Variants in DMBT1 observed in about 807,000 individuals in gnomAD.
DMBT1 encodes the protein deleted in malignant brain tumors 1, also known as scavenger receptor cysteine-rich domain-containing protein DMBT1.
Under a neutral mutation model 252.9 loss-of-function variants are expected in DMBT1, and 198 were observed. The observed-to-expected ratio is 0.78, with a 90% CI of 0.70 to 0.88. The LOEUF (loss-of-function observed/expected upper bound fraction) is 0.88. Among genes scored for constraint, DMBT1 ranks in the 40% least tolerant of loss-of-function variants. DMBT1 has a pLI of 0.00. For missense variants in DMBT1, 2,432 were observed against 2,404.7 expected, an observed-to-expected ratio of 1.01 and a Z score of -0.24; for synonymous variants, 990 against 942.7, an observed-to-expected ratio of 1.05 and a Z score of -0.92.
In DMBT1 at chr10:122,640,199, G is replaced by A. The variant is rs2133700597; in HGVS notation, c.7102G>A (p.Ala2368Thr). ...MYIANDTIHV[A>T]NNTIQVEEVQ... ...CATTGCTAATGACACCATCCACGTT[G>A]CTAATAACACCATCCAGGTCGAGGA... Residue 2368 changes from alanine (A) to threonine (T), a missense_variant, in exon 55 of 56, where the codon GCT becomes ACT. Coordinates refer to ENST00000338354, the MANE Select transcript of DMBT1 (RefSeq NM_001377530.1). The A allele has an allele frequency of 6.2e-7, 1 of 1,614,042 alleles. No individual in the cohort carries two copies. The highest frequency in any genetic ancestry group is 2.2e-5 in the East Asian group (1 of 44,886).
In DMBT1 at chr10:122,591,164, C is replaced by T. The variant is rs369975244; in HGVS notation, c.2138-315C>T. 6.1e-5 allele frequency among the ~76,000 whole-genome samples: 9 copies of T among 148,646 alleles called. 1 individual carries two copies. Among genetic ancestry groups the T allele is most frequent in the Non-Finnish European group, 9.0e-5 (6 of 66,814 alleles). ...ATCCTTCTAACATTTTAGTTTCAAGCGTGAGAGGCTCAGCATTGGTGTCAG... is the reference window on the plus strand; with the variant it reads ...ATCCTTCTAACATTTTAGTTTCAAGTGTGAGAGGCTCAGCATTGGTGTCAG... On this transcript the variant is annotated intron_variant, in intron 18 of 55. Transcript: ENST00000338354.
chr10:122,599,594 G>A (rs555062115), intron 26 of DMBT1, among the ~76,000 whole-genome samples: 1 of 152,334 alleles, frequency 6.6e-6, no homozygotes, highest in African/African-American at 2.4e-5. Flanking sequence ...TGGGTTGTGT[G>A]AGGTTGGAGT....
chr10:122,592,710 T>G (rs1407962436), intron 20 of DMBT1, 115 bp downstream of exon 20: 12 of 1,502,166 alleles, frequency 8.0e-6, no homozygotes, highest in Admixed American at 3.8e-5. Context: ...CCTATATTTA[T>G]GTAGTCTTGT....
chr10:122,623,419 C>T (rs2098089104), intron 44 of DMBT1, among the ~76,000 whole-genome samples: 1 of 152,100 alleles, frequency 6.6e-6, no homozygotes, highest in African/African-American at 2.4e-5. Context: ...GAGATATATA[C>T]CTAGGAGTGG....
At chr10:122,597,518 G>A (rs945829473) in intron 24 of DMBT1, among the ~76,000 whole-genome samples, 3 of 152,192 alleles carry the variant, frequency 2.0e-5, no homozygotes, top group African/African-American at 7.2e-5. Context: ...AGATTCTGCA[G>A]GGCTACATGT....
chr10:122,633,639 C>A (rs1471266157), intron 52 of DMBT1, among the ~76,000 whole-genome samples: 1 of 152,198 alleles, frequency 6.6e-6, no homozygotes, highest in Admixed American at 6.5e-5. Flanking sequence ...AGTCACTCAA[C>A]TTTCCTGAGC....
intron 1 of DMBT1, among the ~76,000 whole-genome samples, chr10:122,563,546 C>T (rs1339597710): frequency 6.6e-6 from 1 of 150,776 alleles, no homozygotes; most frequent in Non-Finnish European, 1.5e-5. Context: ...GAGATTGTGC[C>T]ACTGCACTCC....
rs764961784 is a variant in DMBT1 at position 122,631,268 on chromosome 10, T to A, written c.6333T>A (p.Gly2111=). ...SHNCNHREDA[G]VICSGNHLST... ...ACTGTAATCATCGTGAAGATGCTGG[T>A]GTCATCTGCTCAGGTATGGCCCAAT... Residue 2111 remains glycine (G), a synonymous_variant, in exon 49 of 56, where the codon GGT becomes GGA. Transcript: ENST00000338354. 1 of 1,613,978 alleles carries A rather than the reference T, an allele frequency of 6.2e-7. No individual in the cohort carries two copies. The highest frequency in any genetic ancestry group is 1.1e-5 in the South Asian group (1 of 91,082).
chr10:122,600,940 A>G (rs1322880112), intron 27 of DMBT1, 51 bp from the exon 28 acceptor site: 30 of 697,402 alleles, frequency 4.3e-5, no homozygotes, highest in Middle Eastern at 3.5e-4. Context: ...TTTGTTCTGC[A>G]CCTTTTCCCT....
At chr10:122,578,881 T>G (rs1591253228) in intron 9 of DMBT1, 122 bp downstream of exon 9, 1 of 950,724 alleles carries the variant, frequency 1.1e-6, no homozygotes, top group South Asian at 1.5e-5. Context: ...CGTGGGAGGG[T>G]GGCAGCAGGT....
intron 52 of DMBT1, 140 bp downstream of exon 52, chr10:122,633,481 C>A: frequency 7.0e-7 from 1 of 1,430,214 alleles, no homozygotes; most frequent in South Asian, 1.5e-5. Context: ...CTTAGAAAGC[C>A]AGGAGAGAAG....
At chr10:122,641,796 C>T (rs905524327) in intron 55 of DMBT1, among the ~76,000 whole-genome samples, 1 of 152,166 alleles carries the variant, frequency 6.6e-6, no homozygotes, top group Admixed American at 6.5e-5. Context: ...GGTAGATGTA[C>T]CCTGGCTATA....
At chr10:122,625,388 G>A in intron 45 of DMBT1, 85 bp downstream of exon 45, 1 of 1,309,958 alleles carries the variant, frequency 7.6e-7, no homozygotes, top group South Asian at 1.2e-5. Context: ...GAGTAGGGTA[G>A]ACTCCCCCTG....
chr10:122,571,285 TTCAGTC>T (rs1469353961), intron 4 of DMBT1, among the ~76,000 whole-genome samples: 1 of 152,198 alleles, frequency 6.6e-6, no homozygotes, highest in Admixed American at 6.5e-5. Flanking sequence ...GGAGGCAGGC[TTCAGTC>T]TCAGCCCCTC....
At chr10:122,561,569 C>CCTCTCTCT (rs111541582) in intron 1 of DMBT1, among the ~76,000 whole-genome samples, 5 of 90,266 alleles carry the variant, frequency 5.5e-5, no homozygotes, top group Admixed American at 1.2e-4. Flanking sequence ...TGTCTCTCTG[C>CCTCTCTCT]CTCTCTCTCT....
At chr10:122,577,866 G>T (rs184297664) in intron 8 of DMBT1, 26 bp downstream of exon 8, 20 of 1,612,814 alleles carry the variant, frequency 1.2e-5, no homozygotes, top group Middle Eastern at 1.7e-4. Flanking sequence ...CCTTCCTCGG[G>T]ATACCCCTTC....
In DMBT1 at chr10:122,643,189, A is replaced by G. The variant is rs767959534; in HGVS notation, c.7420A>G (p.Arg2474Gly). 75 of 1,613,920 alleles carry G rather than the reference A, an allele frequency of 4.6e-5. No homozygotes were observed. The Middle Eastern group carries it at 9.9e-4, about 21-fold the overall frequency. Residue 2474 changes from arginine to glycine, a missense_variant, in exon 56 of 56, where the codon AGG becomes GGG. Arg to Gly is a moderately radical substitution (Grantham distance 125). This residue lies in a region of DMBT1 where 1,162 missense variants were observed against 1,169.0 expected (regional missense o/e 0.99). Transcript: ENST00000338354. ...PSLRIARFRF[R>G]AFHFLNRFPS... ...TCTTCGCATTGCCCGCTTCCGGTTC[A>G]GGGCCTTCCACTTCCTGAACCGCTT...
intron 25 of DMBT1, among the ~76,000 whole-genome samples, chr10:122,598,363 C>T (rs1220509913): frequency 1.3e-5 from 2 of 152,050 alleles, no homozygotes; most frequent in Non-Finnish European, 2.9e-5. Context: ...AGTGACTGTC[C>T]CCACACCTGT....
intron 1 of DMBT1, 126 bp from the exon 2 acceptor site, chr10:122,565,841 A>G: frequency 2.2e-6 from 2 of 893,506 alleles, no homozygotes; most frequent in South Asian, 1.4e-5. Context: ...TCGGGGACAC[A>G]CAAACCCAAG....
Sources: gnomAD v4.1 joint callset for allele counts (sites outside exome capture counted in the v4.1 genomes callset) on GRCh38, gnomAD v4.1.1 for gene constraint, gnomAD v4.1.1 regional missense constraint, MANE v1.5 for transcripts, NCBI Gene and HGNC (gene_info 2026-07-23, HGNC 2026-07-21) for gene names.